ADGRG4: variants seen among roughly 807,000 people sequenced by gnomAD.
ADGRG4 encodes the protein G protein-coupled receptor 112.
Under a neutral mutation model 126.2 loss-of-function variants are expected in ADGRG4, and 122 were observed. The ratio of observed to expected loss-of-function variants is 0.97; its 90% CI spans 0.83 to 1.12. The LOEUF (loss-of-function observed/expected upper bound fraction) is 1.12, where lower values mean the gene tolerates loss of function less well. ADGRG4 is among the 50% of genes most tolerant of loss of function. The pLI is 0.00. For synonymous variants in ADGRG4, 943 were observed against 838.7 expected, an observed-to-expected ratio of 1.12 and a Z score of -2.15; for missense variants, 2,481 against 2,251.8, an observed-to-expected ratio of 1.10 and a Z score of -2.06.
rs773816253 is a variant in ADGRG4, at chrX:136,345,450, A to G, written c.1744A>G (p.Thr582Ala). ...AGTTATTGATGCTGAAGCTACACGT[A>G]CAGCCTTAACTCCTGAAATCACACT... The part of the protein sequence containing the change: ...QTVIDAEATR[T>A]ALTPEITLAS... Residue 582 changes from threonine (T) to alanine (A), a missense_variant, in exon 6 of 26, where the codon ACA (threonine) becomes GCA (alanine). Physicochemically the swap from Thr to Ala is moderately conservative, Grantham distance 58. Coordinates refer to ENST00000394143, the MANE Select transcript of ADGRG4 (RefSeq NM_153834.4). The G allele has an allele frequency of 7.5e-6, 9 of 1,207,514 alleles. No individual in the cohort carries two copies. In the East Asian group the frequency reaches 2.1e-4, roughly 28 times the overall value.
intron 25 of ADGRG4, 36 bp from the exon 26 acceptor site, chrX:136,416,418 C>T: frequency 8.7e-7 from 1 of 1,150,473 alleles, no homozygotes; most frequent in Non-Finnish European, 1.2e-6. Flanking sequence ...GTCCCTGATG[C>T]CGCAGCTGAA....
At chrX:136,398,293 C>G (rs1004505372) in intron 20 of ADGRG4, among the ~76,000 whole-genome samples, 1 of 111,817 alleles carries the variant, frequency 8.9e-6, no homozygotes, top group African/African-American at 3.2e-5. Flanking sequence ...CTTCTTTAAT[C>G]AAAAGACACA....
rs558777426 is a variant in ADGRG4, at chrX:136,366,174, C to T, written c.7396+2579C>T. On this transcript the variant is annotated intron_variant, in intron 13 of 25. Transcript: ENST00000394143. ...ATATTTTCACTGCTCTAAAAGTCCT[C>T]TATGCTCCACTTATTCATCCCTCCT... 5.3e-5 allele frequency among the ~76,000 whole-genome samples: 6 copies of T among 112,493 alleles called. 1 individual carries two copies. The highest frequency in any genetic ancestry group is 1.9e-4 in the African/African-American group (6 of 31,020).
At position 136,405,829 on chromosome X, in the gene ADGRG4, G is replaced by A. The variant is rs199501897; in HGVS notation, c.8792G>A (p.Arg2931Gln). ...GTGAAATCCCAAATCCAGAAGACTC[G>A]GCGGAAGATGATCCTGCATGACCTC... The part of the protein sequence containing the change: ...NSVKSQIQKT[R>Q]RKMILHDLKG... Residue 2931 changes from arginine (R) to glutamine (Q), a missense_variant, in exon 23 of 26, where the codon CGG becomes CAG. Physicochemically the swap from Arg to Gln is conservative, Grantham distance 43. Transcript: ENST00000394143. 135 of 1,208,317 alleles carry A rather than the reference G, an allele frequency of 1.1e-4. No individual in the cohort carries two copies. The African/African-American group carries it at 1.9e-3, about 17-fold the overall frequency.
intron 6 of ADGRG4, among the ~76,000 whole-genome samples, chrX:136,350,807 A>G (rs1399232577): frequency 9.0e-6 from 1 of 110,853 alleles, no homozygotes; most frequent in Non-Finnish European, 1.9e-5. Context: ...GAGCATGCTG[A>G]CCACACACCA....
At chrX:136,357,439 C>T (rs2075101387) in intron 9 of ADGRG4, among the ~76,000 whole-genome samples, 1 of 112,183 alleles carries the variant, frequency 8.9e-6, no homozygotes, top group African/African-American at 3.2e-5. Flanking sequence ...GTCTTGTCAA[C>T]TGTGTGATAC....
Position 136,393,547 on chromosome X carries a change from G to A in ADGRG4, c.8047G>A (p.Val2683Ile). Residue 2683 changes from valine (V) to isoleucine (I), a missense_variant, in exon 18 of 26, where the codon GTT becomes ATT. Val to Ile is a conservative substitution (Grantham distance 29, BLOSUM62 3). Coordinates refer to ENST00000394143, the MANE Select transcript of ADGRG4 (RefSeq NM_153834.4). ...HIGGNQNYGQ[V>I]HCAFWDFENN... ...TCTTTTTTTCCAGAATTATGGTCAA[G>A]TTCACTGTGCCTTTTGGGATTTTGA... is the stretch of plus-strand genomic sequence containing the variant. The A allele has an allele frequency of 1.7e-6, 2 of 1,205,234 alleles. No individual in the cohort carries two copies. Among genetic ancestry groups the A allele is most frequent in the Non-Finnish European group, 2.2e-6 (2 of 890,433 alleles).
intron 4 of ADGRG4, among the ~76,000 whole-genome samples, chrX:136,316,551 A>G (rs1436919172): frequency 1.8e-5 from 2 of 111,399 alleles, no homozygotes; most frequent in African/African-American, 6.5e-5. Context: ...CACTGCAACC[A>G]CTGCCTCCCG....
chrX:136,366,871 G>A (rs2075161908), intron 13 of ADGRG4, among the ~76,000 whole-genome samples: 1 of 94,212 alleles, frequency 1.1e-5, no homozygotes, highest in African/African-American at 4.0e-5. Flanking sequence ...ATGTTTGTGT[G>A]CCCCAAAAAT....
At chrX:136,329,256 C>A (rs1288948546) in intron 5 of ADGRG4, among the ~76,000 whole-genome samples, 2 of 111,452 alleles carry the variant, frequency 1.8e-5, no homozygotes, top group Non-Finnish European at 3.8e-5. Context: ...AGGTGATATA[C>A]CCAAATCACA....
intron 4 of ADGRG4, among the ~76,000 whole-genome samples, chrX:136,316,507 G>A (rs949478932): frequency 7.2e-5 from 8 of 110,913 alleles, no homozygotes; most frequent in African/African-American, 2.6e-4. Flanking sequence ...TGCTCTTGTC[G>A]CCCAGGCTGG....
At chrX:136,369,290 T>C (rs1204442442) in intron 13 of ADGRG4, among the ~76,000 whole-genome samples, 1 of 112,269 alleles carries the variant, frequency 8.9e-6, no homozygotes, top group Non-Finnish European at 1.9e-5. Context: ...AAATAGCAGA[T>C]ATTATTATTT....
intron 22 of ADGRG4, 105 bp downstream of exon 22, chrX:136,403,427 G>T: frequency 1.7e-6 from 1 of 586,618 alleles, no homozygotes; most frequent in South Asian, 3.4e-5. Flanking sequence ...GCTTCAGGAA[G>T]AAATCAACCT....
chrX:136,304,294 T>C (rs1440872440), intron 2 of ADGRG4, 87 bp downstream of exon 2: 1 of 111,926 alleles, frequency 8.9e-6, no homozygotes, highest in Admixed American at 9.5e-5. Flanking sequence ...ATTTGTGCTA[T>C]GTTGGATTTT....
At position 136,348,790 on chromosome X, in the gene ADGRG4, C is replaced by T. The variant is rs2075038332; in HGVS notation, c.5084C>T (p.Thr1695Ile). The T allele has an allele frequency of 8.3e-7, 1 of 1,208,423 alleles. No homozygotes were observed. The highest frequency in any genetic ancestry group is 1.1e-6 in the Non-Finnish European group (1 of 893,972). Residue 1695 changes from threonine to isoleucine, a missense_variant, in exon 6 of 26, where the codon ACA (threonine) becomes ATA (isoleucine). Physicochemically the swap from Thr to Ile is moderately conservative, Grantham distance 89. Transcript: ENST00000394143. ...GCTATTTCCTCCATTCCAAAGACCA[C>T]ATTTTCACCATTTCTATCAGCAACT... Reference protein sequence around the residue: ...TGAISSIPKTTFSPFLSATQQ... With the variant: ...TGAISSIPKTIFSPFLSATQQ...
At chrX:136,340,926 G>A (rs770425280) in intron 5 of ADGRG4, among the ~76,000 whole-genome samples, 2 of 111,766 alleles carry the variant, frequency 1.8e-5, no homozygotes, top group East Asian at 5.6e-4. Flanking sequence ...CAGTCCCTCT[G>A]GAAGAAACCT....
chrX:136,350,117 C>T lies in ADGRG4; in HGVS notation c.6411C>T (p.Asp2137=), dbSNP rs760205099. ...AGACTATGTCACCTTCTACAACTGA[C>T]CACACTCTATCTGTTGGTGCCATGC... ...SRKTMSPSTT[D]HTLSVGAMPL... Residue 2137 remains aspartate (D), a synonymous_variant, in exon 6 of 26, where the codon GAC becomes GAT. Transcript: ENST00000394143. The T allele has an allele frequency of 8.3e-7, 1 of 1,208,564 alleles. No individual in the cohort carries two copies. Among genetic ancestry groups the T allele is most frequent in the South Asian group, 1.8e-5 (1 of 56,890 alleles).
intron 3 of ADGRG4, among the ~76,000 whole-genome samples, chrX:136,305,228 C>A (rs145783320): frequency 0.012 from 1,308 of 111,403 alleles, 5 homozygotes; most frequent in Non-Finnish European, 0.017. Flanking sequence ...CTTCTCCATT[C>A]CCCTGTGAAG....
chrX:136,357,890 T>C (rs181443406), intron 10 of ADGRG4, 134 bp downstream of exon 10: 2 of 468,171 alleles, frequency 4.3e-6, no homozygotes, highest in Non-Finnish European at 7.6e-6. Context: ...TTATTTCACA[T>C]ATGCTGTAAT....
Sources: gnomAD v4.1 joint callset for allele counts (sites outside exome capture counted in the v4.1 genomes callset) on GRCh38, gnomAD v4.1.1 for gene constraint, MANE v1.5 for transcripts, NCBI Gene and HGNC (gene_info 2026-07-23, HGNC 2026-07-21) for gene names.